The following RUBCN variants were observed in gnomAD, a reference collection of about 807,000 sequenced individuals.
The protein encoded by RUBCN is rubicon autophagy regulator.
Under a neutral mutation model 113.2 loss-of-function variants are expected in RUBCN, and 74 were observed. The ratio of observed to expected loss-of-function variants is 0.65; its 90% CI spans 0.54 to 0.79. RUBCN has a LOEUF of 0.79. Ranked by LOEUF, RUBCN falls within the 30% of genes least tolerant of loss-of-function variation. The probability of loss-of-function intolerance (pLI) is 0.00; values close to 1 mark genes in which losing one functional copy is unlikely to be tolerated. For synonymous variants in RUBCN, 480 were observed against 490.0 expected (o/e 0.98, Z 0.27); for missense variants, 1,109 against 1,251.7 (o/e 0.89, Z 1.72).
At position 197,676,107 on chromosome 3, in the gene RUBCN, CAT is replaced by C. The variant is rs749372271; in HGVS notation, c.2647-594_2647-593del. 120 of 766,446 alleles carry C rather than the reference CAT, an allele frequency of 1.6e-4. 1 individual carries two copies. Among genetic ancestry groups the C allele is most frequent in the Middle Eastern group, 1.4e-3 (2 of 1,460 alleles). The allele number at this position is 766,446 out of a possible 1,614,324, so 47.5% of individuals were successfully genotyped here. ...AATAACGACGTGCGTTTGAGGAATA[CAT>C]AAAGTATACAAAACGCTGTCATACA... On this transcript the variant is annotated intron_variant, in intron 18 of 19. Coordinates refer to ENST00000296343, the MANE Select transcript of RUBCN (RefSeq NM_014687.4).
Position 197,697,023 on chromosome 3 carries a change from T to C in RUBCN, c.1288A>G (p.Arg430Gly). Residue 430 changes from arginine to glycine, a missense_variant, in exon 8 of 20, where the codon AGA becomes GGA. By Grantham distance (125) the Arg-to-Gly change is moderately radical (BLOSUM62 -2). Coordinates refer to ENST00000296343, the MANE Select transcript of RUBCN (RefSeq NM_014687.4). ...PESCNDKAKLRGPLPYSGQSS... is the reference protein window; with the variant it reads ...PESCNDKAKLGGPLPYSGQSS... ...TGACCAGAGTAGGGCAAAGGGCCTCTCAACTTCGCCTTATCATTGCAGGAT... is the reference window on the plus strand; with the variant it reads ...TGACCAGAGTAGGGCAAAGGGCCTCCCAACTTCGCCTTATCATTGCAGGAT... The C allele has an allele frequency of 6.2e-7, 1 of 1,604,386 alleles. No homozygotes were observed. The highest frequency in any genetic ancestry group is 1.7e-5 in the Admixed American group (1 of 60,018).
chr3:197,695,283 C>T (rs1286072158), intron 9 of RUBCN, among the ~76,000 whole-genome samples: 2 of 152,014 alleles, frequency 1.3e-5, no homozygotes, highest in African/African-American at 4.8e-5. Context: ...CAGTGGCTCA[C>T]ACCTGTGAAT....
At chr3:197,734,471 C>A (rs1727896233) in intron 1 of RUBCN, among the ~76,000 whole-genome samples, 1 of 151,796 alleles carries the variant, frequency 6.6e-6, no homozygotes, top group Non-Finnish European at 1.5e-5. Context: ...CCAGTTCTGC[C>A]AGGGATTCGC....
chr3:197,677,980 C>T (rs1392739969), intron 16 of RUBCN, among the ~76,000 whole-genome samples: 1 of 136,248 alleles, frequency 7.3e-6, no homozygotes, highest in African/African-American at 2.8e-5. Flanking sequence ...GACTGTCCCA[C>T]ACTCTGACTG....
chr3:197,684,669 T>TAC (rs1397895764), intron 11 of RUBCN, among the ~76,000 whole-genome samples: 3 of 151,408 alleles, frequency 2.0e-5, no homozygotes, highest in Non-Finnish European at 2.9e-5. Context: ...CATATATATA[T>TAC]ACACACACAC....
intron 18 of RUBCN, chr3:197,676,312 C>G: frequency 1.0e-6 from 1 of 999,228 alleles, no homozygotes. Flanking sequence ...GAGCTCTCCT[C>G]TCACATCATG....
At chr3:197,720,404 T>C (rs571963221) in intron 1 of RUBCN, among the ~76,000 whole-genome samples, 3 of 152,104 alleles carry the variant, frequency 2.0e-5, no homozygotes, top group Non-Finnish European at 2.9e-5. Context: ...CATTAATCTG[T>C]TGACGGACAT....
exon 1 of RUBCN, chr3:197,749,639 TAA>T: frequency 1.1e-6 from 1 of 939,378 alleles, no homozygotes; most frequent in Non-Finnish European, 1.5e-6. Context: ...ACTGAAGGCA[TAA>T]GATTCAGAGG....
upstream of RUBCN, among the ~76,000 whole-genome samples, chr3:197,739,728 GCAAT>G (rs1728446194): frequency 6.6e-6 from 1 of 151,968 alleles, no homozygotes; most frequent in Admixed American, 6.6e-5. Flanking sequence ...AAAAAAAAAG[GCAAT>G]CAGCTTTATC....
chr3:197,676,063 AT>A (rs1374484674), intron 18 of RUBCN, among the ~76,000 whole-genome samples: 2 of 152,214 alleles, frequency 1.3e-5, no homozygotes, highest in Non-Finnish European at 2.9e-5. Flanking sequence ...CATTTTCAAC[AT>A]GTTGAGTAGA....
chr3:197,721,551 T>C (rs1726168263), intron 1 of RUBCN, among the ~76,000 whole-genome samples: 1 of 152,124 alleles, frequency 6.6e-6, no homozygotes, highest in Middle Eastern at 3.2e-3. Context: ...AACAACTCTT[T>C]TGTTAATCTT....
In RUBCN at chr3:197,744,635, A is replaced by G. The variant is rs1017219245; in HGVS notation, c.-116+4634T>C. On this transcript the variant is annotated intron_variant, in intron 1 of 20. Transcript: ENST00000273582. Reference sequence around the variant, plus strand: ...CACTACTCCAATTAAACATGATACTAGAGTCCCTAGTCAGTGCAATAAGGC... The same window carrying G: ...CACTACTCCAATTAAACATGATACTGGAGTCCCTAGTCAGTGCAATAAGGC... 2.6e-5 allele frequency among the ~76,000 whole-genome samples: 4 copies of G among 152,248 alleles called. No individual in the cohort carries two copies. The South Asian group carries it at 8.3e-4, about 31-fold the overall frequency.
intron 17 of RUBCN, 98 bp from the exon 18 acceptor site, chr3:197,677,136 G>A: frequency 7.6e-7 from 1 of 1,323,746 alleles, no homozygotes. Flanking sequence ...AAGTAATGAG[G>A]GTGGGCACCC....
At position 197,675,608 on chromosome 3, in the gene RUBCN, G is replaced by C; in HGVS notation, c.2647-93C>G. On this transcript the variant is annotated intron_variant, in intron 18 of 19. Transcript: ENST00000296343. This position sits in a 1 kb window ranked among gnomAD's most constrained non-coding sequence, Gnocchi z 4.4. ...CACCGAGGAGGGGAGTGGTCTACAG[G>C]GTTCTGCTGCCCACAGGGAGGAGGC... 1 of 954,866 alleles carries C rather than the reference G, an allele frequency of 1.0e-6. No individual in the cohort carries two copies. The highest frequency in any genetic ancestry group is 1.3e-5 in the South Asian group (1 of 77,276). The allele number at this position is 954,866 out of a possible 1,614,324, so 59.1% of individuals were successfully genotyped here.
intron 1 of RUBCN, among the ~76,000 whole-genome samples, chr3:197,721,937 G>A (rs2108971080): frequency 6.6e-6 from 1 of 152,180 alleles, no homozygotes; most frequent in South Asian, 2.1e-4. Context: ...TTGCACTGTA[G>A]TCACAAAAGA....
Position 197,716,988 on chromosome 3 carries a change from G to C in RUBCN, c.219+989C>G, listed in dbSNP as rs146920354. Among the ~76,000 whole-genome samples, 7 of 152,290 alleles carry C rather than the reference G, an allele frequency of 4.6e-5. 1 individual carries two copies. Among genetic ancestry groups the C allele is most frequent in the African/African-American group, 1.7e-4 (7 of 41,556 alleles). Reference sequence around the variant, plus strand: ...ACACAAAAATTAGCCAGGTGTGGTTGCATGTGCCCGTAGCCCTAGCTACTT... The same window carrying C: ...ACACAAAAATTAGCCAGGTGTGGTTCCATGTGCCCGTAGCCCTAGCTACTT... On this transcript the variant is annotated intron_variant, in intron 2 of 19. Coordinates refer to ENST00000296343, the MANE Select transcript of RUBCN (RefSeq NM_014687.4).
At position 197,682,486 on chromosome 3, in the gene RUBCN, C is replaced by T; in HGVS notation, c.2110G>A (p.Val704Ile). The change falls in exon 14 of 20, where the codon GTT (valine) becomes ATT (isoleucine). Residue 704 changes from valine to isoleucine, a missense_variant. Val to Ile is a conservative substitution (Grantham distance 29). Coordinates refer to ENST00000296343, the MANE Select transcript of RUBCN (RefSeq NM_014687.4). ...GCCACTCACGTTGGGGCTGGATGAACATTAAAAATTATCTGAGGCCGGGGC... is the reference window on the plus strand; with the variant it reads ...GCCACTCACGTTGGGGCTGGATGAATATTAAAAATTATCTGAGGCCGGGGC... ...APPRPQIIFN[V>I]HPAPTRKIAV... is the part of the protein sequence containing the mutation. The T allele has an allele frequency of 1.2e-6, 2 of 1,614,126 alleles. No individual in the cohort carries two copies. Among genetic ancestry groups the T allele is most frequent in the Non-Finnish European group, 8.5e-7 (1 of 1,180,030 alleles).
intron 1 of RUBCN, among the ~76,000 whole-genome samples, chr3:197,722,972 C>A (rs553506919): frequency 2.6e-5 from 4 of 151,990 alleles, no homozygotes; most frequent in Non-Finnish European, 5.9e-5. Context: ...AGGTAATTAT[C>A]GATAAGTAAG....
At chr3:197,739,220 C>G (rs1361642370), upstream of RUBCN, among the ~76,000 whole-genome samples, 1 of 150,850 alleles carries the variant, frequency 6.6e-6, no homozygotes, top group African/African-American at 2.5e-5. Context: ...GGATTACAGG[C>G]GTACTAAAAA....
Sources: allele counts gnomAD v4.1 joint callset (sites outside exome capture counted in the v4.1 genomes callset), GRCh38; gene constraint gnomAD v4.1.1; non-coding constraint Gnocchi (gnomAD v3.1); transcripts MANE v1.5; gene names NCBI Gene and HGNC (gene_info 2026-07-23, HGNC 2026-07-21).